Variants in MYOCD observed in about 807,000 individuals in gnomAD.
MYOCD encodes myocardin.
MYOCD carries 32 observed loss-of-function variants against 96.1 expected under a neutral mutation model. The observed-to-expected ratio is 0.33, with a 90% CI of 0.25 to 0.45. The LOEUF is 0.45. Ranked by LOEUF, MYOCD falls within the 20% of genes least tolerant of loss-of-function variation. The pLI is 1.00. For synonymous variants in MYOCD, 469 were observed against 469.0 expected (o/e 1.00, Z 0.00); for missense variants, 1,133 against 1,200.6 (o/e 0.94, Z 0.83).
chr17:12,669,308 G>A (rs1425863645), intron 1 of MYOCD, among the ~76,000 whole-genome samples: 1 of 152,102 alleles, frequency 6.6e-6, no homozygotes, highest in African/African-American at 2.4e-5. Flanking sequence ...ATCCATGAAT[G>A]GATGTTGCTT....
intron 12 of MYOCD, chr17:12,760,331 G>A (rs889191376): frequency 3.9e-5 from 13 of 333,448 alleles, no homozygotes; most frequent in Middle Eastern, 9.6e-4. Context: ...GGAAAATGGC[G>A]GTTGCCAGGG....
At chr17:12,684,656 C>A (rs1176910879) in intron 1 of MYOCD, among the ~76,000 whole-genome samples, 2 of 151,346 alleles carry the variant, frequency 1.3e-5, no homozygotes, top group East Asian at 4.0e-4. Flanking sequence ...ATTAGCCTGG[C>A]CAACATAGTG....
At chr17:12,751,855 C>T (rs745499667) in intron 9 of MYOCD, among the ~76,000 whole-genome samples, 18 of 152,238 alleles carry the variant, frequency 1.2e-4, no homozygotes, top group Admixed American at 2.0e-4. Flanking sequence ...AAAGTCAGGT[C>T]GGGGCACCAC....
chr17:12,677,852 C>T (rs891499908), intron 1 of MYOCD, among the ~76,000 whole-genome samples: 1 of 151,168 alleles, frequency 6.6e-6, no homozygotes, highest in Non-Finnish European at 1.5e-5. Context: ...ATGAATTTCT[C>T]TTAAGATTCA....
At chr17:12,715,370 C>G (rs2031608083) in intron 2 of MYOCD, 149 bp from the exon 3 acceptor site, 1 of 535,762 alleles carries the variant, frequency 1.9e-6, no homozygotes, top group Admixed American at 3.7e-5. Flanking sequence ...CTGGTGTCCT[C>G]CAGGCCTGTC....
intron 10 of MYOCD, 92 bp from the exon 11 acceptor site, chr17:12,756,322 G>T: frequency 7.1e-7 from 1 of 1,412,010 alleles, no homozygotes; most frequent in Non-Finnish European, 9.8e-7. Context: ...AATGACACCA[G>T]GGGACACAGG....
intron 5 of MYOCD, among the ~76,000 whole-genome samples, chr17:12,731,257 C>A (rs1288041301): frequency 6.6e-6 from 1 of 152,170 alleles, no homozygotes; most frequent in East Asian, 1.9e-4. Context: ...TGACCTTTGT[C>A]CCTCTCTGCA....
At chr17:12,738,437 A>G (rs1263255226) in intron 6 of MYOCD, among the ~76,000 whole-genome samples, 4 of 152,150 alleles carry the variant, frequency 2.6e-5, no homozygotes, top group African/African-American at 9.7e-5. Flanking sequence ...GACTTTATAC[A>G]CATGCATGCG....
chr17:12,670,918 G>C (rs1172927333), intron 1 of MYOCD, among the ~76,000 whole-genome samples: 1 of 152,154 alleles, frequency 6.6e-6, no homozygotes, highest in Non-Finnish European at 1.5e-5. Flanking sequence ...ACCTGCTTGA[G>C]ACCATTCCTG....
intron 9 of MYOCD, among the ~76,000 whole-genome samples, chr17:12,747,333 C>T (rs2032695218): frequency 1.3e-5 from 2 of 149,726 alleles, no homozygotes; most frequent in Admixed American, 6.8e-5. Context: ...TGGGGAGAGG[C>T]GCCATCTGAG....
At chr17:12,752,234 G>A (rs958948259) in intron 9 of MYOCD, among the ~76,000 whole-genome samples, 180 bp from the exon 10 acceptor site, 1 of 152,180 alleles carries the variant, frequency 6.6e-6, no homozygotes, top group Non-Finnish European at 1.5e-5. Context: ...AAAAATAATT[G>A]TTAAAATTGT....
intron 1 of MYOCD, among the ~76,000 whole-genome samples, chr17:12,700,539 G>T (rs762965044): frequency 2.7e-5 from 4 of 146,468 alleles, no homozygotes; most frequent in African/African-American, 1.0e-4. Context: ...TCAGCCTCCC[G>T]AGTAGCTGGG....
chr17:12,672,503 AAG>A (rs1909766513), intron 1 of MYOCD, among the ~76,000 whole-genome samples: 1 of 152,222 alleles, frequency 6.6e-6, no homozygotes, highest in Non-Finnish European at 1.5e-5. Flanking sequence ...ATAAAACAGA[AAG>A]AGGTGTCCAA....
At chr17:12,702,433 T>G (rs9891389) in intron 1 of MYOCD, among the ~76,000 whole-genome samples, 71,378 of 151,806 alleles carry the variant, frequency 0.47, 18,635 homozygotes, top group African/African-American at 0.72. Flanking sequence ...ATCTGACACT[T>G]TATATATAAA....
chr17:12,729,411 G>A (rs1369644568), intron 5 of MYOCD, among the ~76,000 whole-genome samples: 1 of 152,030 alleles, frequency 6.6e-6, no homozygotes, highest in East Asian at 1.9e-4. Flanking sequence ...TGTGAAGTAA[G>A]GGCTTTGCCT....
At chr17:12,757,642 G>A (rs768645678) in intron 11 of MYOCD, among the ~76,000 whole-genome samples, 4 of 152,070 alleles carry the variant, frequency 2.6e-5, no homozygotes, top group Non-Finnish European at 5.9e-5. Flanking sequence ...GATTACAGGC[G>A]CACCACCATG....
intron 1 of MYOCD, among the ~76,000 whole-genome samples, chr17:12,678,126 C>G (rs534196550): frequency 6.6e-6 from 1 of 151,866 alleles, no homozygotes; most frequent in Non-Finnish European, 1.5e-5. Flanking sequence ...CTCCTGACCT[C>G]GTGATTTGCC....
intron 1 of MYOCD, among the ~76,000 whole-genome samples, chr17:12,673,908 T>C (rs1000867042): frequency 1.3e-5 from 2 of 152,202 alleles, no homozygotes. Flanking sequence ...GAGCCTTTCA[T>C]ACCTTTTCAG....
At chr17:12,738,630 ACACT>A (rs2032415573) in intron 6 of MYOCD, among the ~76,000 whole-genome samples, 1 of 152,088 alleles carries the variant, frequency 6.6e-6, no homozygotes, top group Non-Finnish European at 1.5e-5. Context: ...GCACATATAA[ACACT>A]CAGACACACA....
Sources: gnomAD v4.1 joint callset for allele counts (sites outside exome capture counted in the v4.1 genomes callset) on GRCh38, gnomAD v4.1.1 for gene constraint, MANE v1.5 for transcripts, NCBI Gene and HGNC (gene_info 2026-07-23, HGNC 2026-07-21) for gene names.